Variants in LOXHD1 observed in about 807,000 individuals in gnomAD.
The protein encoded by LOXHD1 is lipoxygenase homology PLAT domains 1.
LOXHD1 carries 205 observed loss-of-function variants against 248.2 expected under a neutral mutation model. The observed-to-expected ratio is 0.83, with a 90% CI of 0.74 to 0.93. The LOEUF is 0.93. Among genes scored for constraint, LOXHD1 ranks in the 40% least tolerant of loss-of-function variants. The pLI, the probability that LOXHD1 is intolerant of heterozygous loss-of-function variation, is 0.00. For missense variants in LOXHD1, 2,930 were observed against 2,971.6 expected, an observed-to-expected ratio of 0.99 and a Z score of 0.33; for synonymous variants, 1,113 against 1,162.8, an observed-to-expected ratio of 0.96 and a Z score of 0.87.
chr18:46,567,722 T>C (rs1007851017), intron 16 of LOXHD1, among the ~76,000 whole-genome samples: 1 of 152,222 alleles, frequency 6.6e-6, no homozygotes, highest in Non-Finnish European at 1.5e-5. Context: ...TTAATACTAA[T>C]AGCAACCCCA....
chr18:46,536,608 C>A (rs2036322375), intron 26 of LOXHD1, among the ~76,000 whole-genome samples: 1 of 152,238 alleles, frequency 6.6e-6, no homozygotes, highest in Non-Finnish European at 1.5e-5. Context: ...GGTGTGATCA[C>A]AGCCTCAGCC....
intron 21 of LOXHD1, among the ~76,000 whole-genome samples, chr18:46,553,474 C>T (rs2037191340): frequency 6.6e-6 from 1 of 152,222 alleles, no homozygotes; most frequent in Non-Finnish European, 1.5e-5. Context: ...AGAGTCATAA[C>T]TGAGCAGCTA....
At chr18:46,586,618 T>C (rs2038066152) in intron 12 of LOXHD1, among the ~76,000 whole-genome samples, 1 of 54,202 alleles carries the variant, frequency 1.8e-5, no homozygotes, top group Admixed American at 1.3e-4. Context: ...GCTAATTTTT[T>C]TGTATTTTTA....
At chr18:46,641,841 G>C (rs2038966324) in intron 3 of LOXHD1, 115 bp downstream of exon 3, 1 of 1,046,092 alleles carries the variant, frequency 9.6e-7, no homozygotes, top group Admixed American at 2.0e-5. Flanking sequence ...TTGGGCCTTT[G>C]GTAGCCCCTC....
chr18:46,557,936 A>T, intron 20 of LOXHD1: 1 of 1,041,454 alleles, frequency 9.6e-7, no homozygotes, highest in South Asian at 3.9e-5. Flanking sequence ...ATCCAAAGTG[A>T]CTGTCAGAAA....
chr18:46,557,580 G>T (rs2037395377), intron 20 of LOXHD1, 91 bp from the exon 21 acceptor site: 1 of 1,477,964 alleles, frequency 6.8e-7, no homozygotes, highest in Non-Finnish European at 9.2e-7. Flanking sequence ...AGGGCAGCCA[G>T]CCAGAGGCCA....
intron 34 of LOXHD1, 99 bp downstream of exon 34, chr18:46,518,030 C>T: frequency 7.0e-7 from 1 of 1,430,328 alleles, no homozygotes; most frequent in Non-Finnish European, 9.6e-7. Flanking sequence ...TCATGGTCTG[C>T]AGCGGGCATG....
chr18:46,609,118 A>G (rs328122), intron 6 of LOXHD1, among the ~76,000 whole-genome samples: 81,626 of 152,012 alleles, frequency 0.54, 21,992 homozygotes, highest in Non-Finnish European at 0.56. Context: ...CTTTATCCCC[A>G]TTTTCTCTCC....
chr18:46,544,743 T>C, intron 23 of LOXHD1: 1 of 461,042 alleles, frequency 2.2e-6, no homozygotes, highest in Non-Finnish European at 4.5e-6. Flanking sequence ...AGAGTCTCCA[T>C]GCTCTCTACC....
chr18:46,579,883 C>G (rs1000291291), intron 12 of LOXHD1, 99 bp from the exon 13 acceptor site: 2 of 1,398,372 alleles, frequency 1.4e-6, no homozygotes, highest in Admixed American at 2.3e-5. Context: ...TCCTCTCCTT[C>G]TAGTTCTCAT....
At chr18:46,519,198 G>T in intron 33 of LOXHD1, 1 of 659,968 alleles carries the variant, frequency 1.5e-6, no homozygotes, top group Non-Finnish European at 1.9e-6. Context: ...GAAGTCTGAA[G>T]GTTCAGGAGA....
intron 38 of LOXHD1, among the ~76,000 whole-genome samples, 180 bp downstream of exon 38, chr18:46,488,792 T>C: frequency 6.6e-6 from 1 of 152,196 alleles, no homozygotes; most frequent in Non-Finnish European, 1.5e-5. Flanking sequence ...AGCCATGAGC[T>C]GGCATCAGTG....
chr18:46,501,122 T>C (rs1431887139), intron 37 of LOXHD1, among the ~76,000 whole-genome samples: 3 of 152,250 alleles, frequency 2.0e-5, no homozygotes, highest in Non-Finnish European at 2.9e-5. Flanking sequence ...AATGGATATA[T>C]AGTTGATCTT....
At chr18:46,479,972 C>A (rs911802294) in intron 40 of LOXHD1, among the ~76,000 whole-genome samples, 1 of 152,004 alleles carries the variant, frequency 6.6e-6, no homozygotes, top group Admixed American at 6.6e-5. Flanking sequence ...GAAGAATAAG[C>A]CATTTAAAGA....
intron 10 of LOXHD1, 30 bp downstream of exon 10, chr18:46,593,570 T>C (rs1208946445): frequency 2.6e-6 from 4 of 1,549,474 alleles, no homozygotes; most frequent in Non-Finnish European, 2.6e-6. Context: ...TCCTCCTTTC[T>C]CCCTCCCATC....
chr18:46,605,385 G>A (rs1256508001), intron 6 of LOXHD1, among the ~76,000 whole-genome samples: 1 of 152,078 alleles, frequency 6.6e-6, no homozygotes, highest in East Asian at 1.9e-4. Context: ...AAATTGGCCA[G>A]GCGTGGTGGC....
At chr18:46,654,019 C>T (rs1396571702) in intron 1 of LOXHD1, among the ~76,000 whole-genome samples, 1 of 152,082 alleles carries the variant, frequency 6.6e-6, no homozygotes. Flanking sequence ...CAGGTGTTGC[C>T]ATTGTGATAG....
rs1332793901 is a variant in LOXHD1 at position 46,604,138 on chromosome 18, C to T, written c.851G>A (p.Arg284Lys). Reference protein sequence around the residue: ...ALDEDDGKIQRDILVGGAETT... With the variant: ...ALDEDDGKIQKDILVGGAETT... ...CTCAGCTCCGCCCACTAAGATATCC[C>T]TTTGGATTTTGCCATCGTCTTCGTC... The change falls in exon 7 of 41, where the codon AGG (arginine) becomes AAG (lysine). Residue 284 changes from arginine to lysine, a missense_variant. Coordinates refer to ENST00000642948, the MANE Select transcript of LOXHD1 (RefSeq NM_001384474.1). The T allele has an allele frequency of 6.4e-7, 1 of 1,551,744 alleles. No homozygotes were observed. Among genetic ancestry groups the T allele is most frequent in the South Asian group, 1.2e-5 (1 of 84,066 alleles).
At chr18:46,579,811 T>C (rs144192725) in intron 12 of LOXHD1, 27 bp from the exon 13 acceptor site, 3 of 1,544,422 alleles carry the variant, frequency 1.9e-6, no homozygotes, top group African/African-American at 1.4e-5. Flanking sequence ...GGGACATCAT[T>C]GCTGACAGCC....
Sources: allele counts gnomAD v4.1 joint callset (sites outside exome capture counted in the v4.1 genomes callset), GRCh38; gene constraint gnomAD v4.1.1; transcripts MANE v1.5; gene names NCBI Gene and HGNC (gene_info 2026-07-23, HGNC 2026-07-21).